Variants in CRISP2 observed in about 807,000 individuals in gnomAD.
CRISP2 encodes the protein cysteine rich secretory protein 2, also known as cysteine-rich secretory protein 2.
CRISP2 carries 29 observed loss-of-function variants against 31.7 expected under a neutral mutation model. That is an observed-to-expected ratio of 0.92 (90% CI 0.68 to 1.25). CRISP2 has a LOEUF of 1.25. Among genes scored for constraint, CRISP2 ranks in the 50% most tolerant of loss-of-function variants. The pLI is 0.00. For synonymous variants in CRISP2, 111 were observed against 101.4 expected, an observed-to-expected ratio of 1.09 and a Z score of -0.57; for missense variants, 318 against 286.5, an observed-to-expected ratio of 1.11 and a Z score of -0.79.
chr6:49,681,586 C>T, the CRISP2 span, among the ~76,000 whole-genome samples: 2 of 152,048 alleles, frequency 1.3e-5, no homozygotes, highest in South Asian at 4.1e-4. Flanking sequence ...TATTTATAAA[C>T]TATCAAAAAG....
chr6:49,709,246 T>TTTAAAAAACTTCTAAGAGGGGGAATACCA (rs1343636284), intron 3 of CRISP2, 41 bp from the exon 4 acceptor site: 17 of 1,565,698 alleles, frequency 1.1e-5, no homozygotes, highest in Middle Eastern at 1.7e-4. Context: ...AAATATGTAG[T>TTTAAAAAACTTCTAAGAGGGGGAATACCA]TTAAAAAACT....
rs1025517194 is a variant in CRISP2 at position 49,712,504 on chromosome 6, T to C, written c.-50A>G. ...ATTTTTTTTCTTTGCTACTTACTAA[T>C]GGTGAAGTACTGTGCTCTTTCTTGC... On this transcript the variant is annotated 5_prime_UTR_variant, in exon 2 of 10. Coordinates refer to ENST00000339139, the MANE Select transcript of CRISP2 (RefSeq NM_003296.4). 10 of 152,138 alleles carry C rather than the reference T, an allele frequency of 6.6e-5. No individual in the cohort carries two copies. Among genetic ancestry groups the C allele is most frequent in the African/African-American group, 2.4e-4 (10 of 41,424 alleles). 9.4% of individuals were successfully genotyped at this position (152,138 alleles called of 1,614,324 possible).
intron 4 of CRISP2, among the ~76,000 whole-genome samples, chr6:49,702,157 A>G (rs1227664818): frequency 3.1e-5 from 2 of 65,460 alleles, no homozygotes; most frequent in African/African-American, 1.3e-4. Flanking sequence ...ATATATATAT[A>G]TATATATATA....
downstream of CRISP2, among the ~76,000 whole-genome samples, chr6:49,689,746 T>C (rs574159153): frequency 2.1e-4 from 32 of 152,240 alleles, no homozygotes; most frequent in South Asian, 5.2e-3. Context: ...TCTGAGTAAA[T>C]GGAGGAACTT....
chr6:49,698,268 TCTC>T (rs759182465), intron 7 of CRISP2, 91 bp downstream of exon 7: 565 of 1,402,636 alleles, frequency 4.0e-4, no homozygotes, highest in Non-Finnish European at 5.4e-4. Flanking sequence ...CTCGGACTGT[TCTC>T]CTAAATTGAA....
chr6:49,681,024 T>A, the CRISP2 span, among the ~76,000 whole-genome samples: 1 of 152,230 alleles, frequency 6.6e-6, no homozygotes, highest in South Asian at 2.1e-4. Flanking sequence ...AATTTATGTT[T>A]TTGTTGCAAT....
At chr6:49,683,723 A>ATATATATATATATATG in the CRISP2 span, among the ~76,000 whole-genome samples, 2 of 119,052 alleles carry the variant, frequency 1.7e-5, no homozygotes, top group Non-Finnish European at 3.5e-5. Flanking sequence ...ATATATATAT[A>ATATATATATATATATG]GAAGTTGATA....
chr6:49,691,668 T>A (rs1764062016), downstream of CRISP2, among the ~76,000 whole-genome samples: 1 of 152,062 alleles, frequency 6.6e-6, no homozygotes, highest in South Asian at 2.1e-4. Flanking sequence ...AATTAAGAAG[T>A]ATTTTCTCCC....
At chr6:49,682,641 TTC>T in the CRISP2 span, among the ~76,000 whole-genome samples, 9,864 of 80,072 alleles carry the variant, frequency 0.12, 399 homozygotes, top group African/African-American at 0.19. Flanking sequence ...CTTTCTTTCT[TTC>T]TTCTTTCTTT....
At chr6:49,697,099 C>T (rs1036822011) in intron 8 of CRISP2, among the ~76,000 whole-genome samples, 1 of 152,110 alleles carries the variant, frequency 6.6e-6, no homozygotes, top group African/African-American at 2.4e-5. Flanking sequence ...CGAAACAAAT[C>T]CTGTAGCTGT....
At chr6:49,679,815 T>G in the CRISP2 span, among the ~76,000 whole-genome samples, 1 of 152,042 alleles carries the variant, frequency 6.6e-6, no homozygotes, top group Admixed American at 6.6e-5. Context: ...AAGGGATTCT[T>G]GTGCCTCAGC....
the CRISP2 span, among the ~76,000 whole-genome samples, chr6:49,683,694 A>AAAAATAAATATAAAT: frequency 1.6e-4 from 1 of 6,182 alleles, no homozygotes; most frequent in Non-Finnish European, 3.8e-4. Context: ...AAAAAAAAAA[A>AAAAATAAATATAAAT]ATATATATAT....
At chr6:49,712,202 C>A (rs1394714940) in intron 2 of CRISP2, among the ~76,000 whole-genome samples, 1 of 152,162 alleles carries the variant, frequency 6.6e-6, no homozygotes, top group African/African-American at 2.4e-5. Flanking sequence ...GAAAGCCATA[C>A]ACAGGAGCCT....
At position 49,692,628 on chromosome 6, in the gene CRISP2, G is replaced by T; in HGVS notation, c.*145C>A. The T allele has an allele frequency of 2.7e-6, 2 of 729,270 alleles. No individual in the cohort carries two copies. Among genetic ancestry groups the T allele is most frequent in the Non-Finnish European group, 4.3e-6 (2 of 462,986 alleles). The allele number at this position is 729,270 out of a possible 1,614,324, so 45.2% of individuals were successfully genotyped here. ...CTTTTGTAAATCATTGCCTGAAAGTGATTTCTGTGATGATCTGGGGGAGAA... is the reference window on the plus strand; with the variant it reads ...CTTTTGTAAATCATTGCCTGAAAGTTATTTCTGTGATGATCTGGGGGAGAA... On this transcript the variant is annotated 3_prime_UTR_variant, in exon 10 of 10. Transcript: ENST00000339139.
rs1484403651 is a variant in CRISP2, at chr6:49,698,055, T to A, written c.418-98A>T. On this transcript the variant is annotated intron_variant, in intron 7 of 9. Transcript: ENST00000339139. ...ATATAAAACTGAAAAATGTTAGTTT[T>A]ATAGACATATACCATAAAAATATTT... 6.6e-6 allele frequency: 6 copies of A among 907,588 alleles called. No individual in the cohort carries two copies. The Admixed American group carries it at 8.4e-5, about 13-fold the overall frequency. The allele number at this position is 907,588 out of a possible 1,614,324, so 56.2% of individuals were successfully genotyped here.
chr6:49,682,585 CT>C, the CRISP2 span, among the ~76,000 whole-genome samples: 5 of 67,372 alleles, frequency 7.4e-5, no homozygotes, highest in South Asian at 6.6e-4. Context: ...TTCTTTCTTT[CT>C]TTTTCTTTCT....
At chr6:49,695,034 A>G (rs955265182) in intron 9 of CRISP2, among the ~76,000 whole-genome samples, 2 of 152,152 alleles carry the variant, frequency 1.3e-5, no homozygotes, top group African/African-American at 4.8e-5. Context: ...ATAGCTATAT[A>G]ACTGAGTCAG....
downstream of CRISP2, among the ~76,000 whole-genome samples, chr6:49,688,933 G>A (rs559230756): frequency 1.8e-4 from 28 of 151,934 alleles, no homozygotes; most frequent in South Asian, 5.4e-3. Context: ...CAATGGCGCC[G>A]TCTCAGCTCA....
Position 49,701,703 on chromosome 6 carries a change from T to A in CRISP2, c.67-919A>T, listed in dbSNP as rs1232031685. ...GTATACATTATATATGTATACATTATGTATACATATATAATGTATATATAA... is the reference window on the plus strand; with the variant it reads ...GTATACATTATATATGTATACATTAAGTATACATATATAATGTATATATAA... On this transcript the variant is annotated intron_variant, in intron 4 of 9. Coordinates refer to ENST00000339139, the MANE Select transcript of CRISP2 (RefSeq NM_003296.4). Among the ~76,000 whole-genome samples, 6 of 111,858 alleles carry A rather than the reference T, an allele frequency of 5.4e-5. No homozygotes were observed. The Admixed American group carries it at 5.9e-4, about 11-fold the overall frequency. The allele number at this position is 111,858 out of a possible 152,430, so 73.4% of individuals were successfully genotyped here.
Sources: allele counts gnomAD v4.1 joint callset (sites outside exome capture counted in the v4.1 genomes callset), GRCh38; gene constraint gnomAD v4.1.1; transcripts MANE v1.5; gene names NCBI Gene and HGNC (gene_info 2026-07-23, HGNC 2026-07-21).